The following C8orf34 variants were observed in gnomAD, a reference collection of about 807,000 sequenced individuals.
C8orf34 encodes the protein chromosome 8 open reading frame 34.
C8orf34 carries 65 observed loss-of-function variants against 68.3 expected under a neutral mutation model. That is an observed-to-expected ratio of 0.95 (90% CI 0.78 to 1.17). The LOEUF is 1.17. Ranked by LOEUF, C8orf34 falls within the 50% of genes most tolerant of loss-of-function variation. C8orf34 has a pLI of 0.00. For synonymous variants in C8orf34, 244 were observed against 241.2 expected (o/e 1.01, Z -0.11); for missense variants, 664 against 655.4 (o/e 1.01, Z -0.14).
At chr8:68,532,050 GC>G (rs1358570631) in intron 6 of C8orf34, among the ~76,000 whole-genome samples, 4 of 152,204 alleles carry the variant, frequency 2.6e-5, no homozygotes, top group African/African-American at 9.6e-5. Flanking sequence ...TAGGGGACAT[GC>G]TTTCCTTCCC....
At chr8:68,735,291 G>C (rs1196263023) in intron 10 of C8orf34, among the ~76,000 whole-genome samples, 1 of 152,160 alleles carries the variant, frequency 6.6e-6, no homozygotes, top group Non-Finnish European at 1.5e-5. Flanking sequence ...GGTTTGCTTT[G>C]AACATAAGAA....
intron 8 of C8orf34, among the ~76,000 whole-genome samples, chr8:68,686,333 A>G (rs1277947371): frequency 1.3e-5 from 2 of 152,128 alleles, no homozygotes; most frequent in Non-Finnish European, 2.9e-5. Context: ...TTACAAAAAA[A>G]GAAAACTAAT....
chr8:68,405,080 C>T (rs912863535), intron 1 of C8orf34, among the ~76,000 whole-genome samples: 1 of 152,112 alleles, frequency 6.6e-6, no homozygotes. Flanking sequence ...AGAGGTCCTT[C>T]ACATCCCTTG....
chr8:68,533,610 T>C, intron 7 of C8orf34: 1 of 985,326 alleles, frequency 1.0e-6, no homozygotes, highest in Non-Finnish European at 1.2e-6. Context: ...TAAATTCAGG[T>C]TTTATGTTTT....
chr8:68,446,487 A>G (rs945771585), intron 3 of C8orf34, 27 bp downstream of exon 3: 1 of 1,594,696 alleles, frequency 6.3e-7, no homozygotes. Context: ...TTCAAATGCT[A>G]TTCAAAGCAT....
intron 1 of C8orf34, among the ~76,000 whole-genome samples, chr8:68,418,090 T>C (rs568429983): frequency 0.018 from 2,429 of 131,456 alleles, 63 homozygotes; most frequent in South Asian, 0.029. Context: ...ATTTGGCTCT[T>C]GGTTTGTCTG....
chr8:68,558,774 C>T (rs1816332618), intron 7 of C8orf34, among the ~76,000 whole-genome samples: 1 of 152,006 alleles, frequency 6.6e-6, no homozygotes, highest in African/African-American at 2.4e-5. Context: ...CTGTTGAGGT[C>T]ATTGATTATG....
At chr8:68,616,630 T>C (rs1818224251) in intron 7 of C8orf34, among the ~76,000 whole-genome samples, 1 of 152,198 alleles carries the variant, frequency 6.6e-6, no homozygotes, top group Non-Finnish European at 1.5e-5. Flanking sequence ...TGAGTTCTAG[T>C]TTGATTGCAC....
At chr8:68,346,822 A>G (rs184517144) in intron 1 of C8orf34, among the ~76,000 whole-genome samples, 1 of 152,206 alleles carries the variant, frequency 6.6e-6, no homozygotes, top group African/African-American at 2.4e-5. Flanking sequence ...GTTTGGATAT[A>G]CCATAGTTTA....
chr8:68,735,182 ATCACTT>A (rs1822089686), intron 10 of C8orf34, among the ~76,000 whole-genome samples: 2 of 152,144 alleles, frequency 1.3e-5, no homozygotes, highest in South Asian at 4.1e-4. Flanking sequence ...GATTCAAATA[ATCACTT>A]TCCCACTAGT....
chr8:68,644,567 G>C (rs902344889), intron 8 of C8orf34, among the ~76,000 whole-genome samples: 2 of 152,148 alleles, frequency 1.3e-5, no homozygotes, highest in Admixed American at 1.3e-4. Context: ...ATTTTGGGGT[G>C]GCATGTTCTA....
chr8:68,350,000 C>T (rs904210406), intron 1 of C8orf34, among the ~76,000 whole-genome samples: 2 of 151,798 alleles, frequency 1.3e-5, no homozygotes, highest in Non-Finnish European at 2.9e-5. Context: ...TTCTCATCTT[C>T]TCCTAGCTTT....
In C8orf34 at chr8:68,577,450, G is replaced by T. The variant is rs566152437; in HGVS notation, c.1105+44301G>T. On this transcript the variant is annotated intron_variant, in intron 7 of 13. Transcript: ENST00000518698. Reference sequence around the variant, plus strand: ...ATATTACTTTTACCATTTTTTAATTGCCTTACGTTACCAATTTGCACTTGG... The same window carrying T: ...ATATTACTTTTACCATTTTTTAATTTCCTTACGTTACCAATTTGCACTTGG... Among the ~76,000 whole-genome samples, 33 of 151,804 alleles carry T rather than the reference G, an allele frequency of 2.2e-4. 1 individual carries two copies. In the South Asian group the frequency reaches 6.9e-3, roughly 32 times the overall value.
chr8:68,460,475 G>C (rs1056191620), intron 3 of C8orf34, among the ~76,000 whole-genome samples: 1 of 152,174 alleles, frequency 6.6e-6, no homozygotes, highest in African/African-American at 2.4e-5. Flanking sequence ...TCAGAGAATG[G>C]GCAGACTGCC....
chr8:68,615,250 C>G (rs561888700), intron 7 of C8orf34, among the ~76,000 whole-genome samples: 1 of 151,030 alleles, frequency 6.6e-6, no homozygotes, highest in South Asian at 2.1e-4. Flanking sequence ...GACAATTTGA[C>G]TTCCTCTTTT....
chr8:68,642,122 A>G (rs558687467), intron 8 of C8orf34, among the ~76,000 whole-genome samples: 4 of 152,244 alleles, frequency 2.6e-5, no homozygotes, highest in African/African-American at 4.8e-5. Flanking sequence ...CTCAGGCAGC[A>G]TAGGTTGACA....
At chr8:68,452,585 C>G (rs1811389884) in intron 3 of C8orf34, among the ~76,000 whole-genome samples, 1 of 150,470 alleles carries the variant, frequency 6.6e-6, no homozygotes, top group Admixed American at 6.7e-5. Flanking sequence ...AATGACTATT[C>G]ATACACTTAG....
In C8orf34 at chr8:68,673,941, G is replaced by A. The variant is rs1594942; in HGVS notation, c.1241+33430G>A. Reference sequence around the variant, plus strand: ...CCAGGCAGCTCAACACACAGCAAGCGACTTTGTTTGTTTGGGAGAAATTAA... The same window carrying A: ...CCAGGCAGCTCAACACACAGCAAGCAACTTTGTTTGTTTGGGAGAAATTAA... On this transcript the variant is annotated intron_variant, in intron 8 of 13. Coordinates refer to ENST00000518698, the MANE Select transcript of C8orf34 (RefSeq NM_052958.4). Among the ~76,000 whole-genome samples the A allele has an allele frequency of 4.8e-3, 732 of 152,236 alleles. 8 individuals carry two copies. The highest frequency in any genetic ancestry group is 0.017 in the African/African-American group (692 of 41,550).
chr8:68,666,438 A>T (rs1227546406), intron 8 of C8orf34, among the ~76,000 whole-genome samples: 1 of 152,238 alleles, frequency 6.6e-6, no homozygotes, highest in African/African-American at 2.4e-5. Context: ...TTAAAGGAGA[A>T]TGAAAGGATT....
Sources: gnomAD v4.1 joint callset for allele counts (sites outside exome capture counted in the v4.1 genomes callset) on GRCh38, gnomAD v4.1.1 for gene constraint, MANE v1.5 for transcripts, NCBI Gene and HGNC (gene_info 2026-07-23, HGNC 2026-07-21) for gene names.